BTBD9: variants seen among roughly 807,000 people sequenced by gnomAD.
BTBD9 encodes the protein BTB/POZ domain-containing protein 9.
In BTBD9, 49 loss-of-function variants were observed where a neutral mutation model predicts 64.3. The ratio of observed to expected loss-of-function variants is 0.76; its 90% CI spans 0.61 to 0.97. The LOEUF (loss-of-function observed/expected upper bound fraction) is 0.97. Among genes scored for constraint, BTBD9 ranks in the 50% least tolerant of loss-of-function variants. The pLI, the probability that BTBD9 is intolerant of heterozygous loss-of-function variation, is 0.00. For synonymous variants in BTBD9, 260 were observed against 274.7 expected (o/e 0.95, Z 0.53); for missense variants, 598 against 762.1 (o/e 0.78, Z 2.53).
chr6:38,363,397 A>G (rs1414354500), intron 6 of BTBD9, among the ~76,000 whole-genome samples: 1 of 152,240 alleles, frequency 6.6e-6, no homozygotes, highest in Non-Finnish European at 1.5e-5. Flanking sequence ...TGTCTCTACA[A>G]AAACAAAAAC....
chr6:38,371,599 G>A (rs1203937574), intron 6 of BTBD9, among the ~76,000 whole-genome samples: 2 of 152,148 alleles, frequency 1.3e-5, no homozygotes, highest in Non-Finnish European at 1.5e-5. Context: ...CATTAATGTC[G>A]GCCAGGCTGC....
intron 6 of BTBD9, among the ~76,000 whole-genome samples, chr6:38,570,731 C>G (rs1775724835): frequency 6.6e-6 from 1 of 152,124 alleles, no homozygotes; most frequent in African/African-American, 2.4e-5. Flanking sequence ...TTCTCCTATG[C>G]CTTGCAGATG....
At chr6:38,381,907 T>C (rs554031207) in intron 6 of BTBD9, among the ~76,000 whole-genome samples, 2 of 152,212 alleles carry the variant, frequency 1.3e-5, no homozygotes, top group African/African-American at 2.4e-5. Flanking sequence ...AATACTTAGA[T>C]AATATAAGAA....
intron 6 of BTBD9, among the ~76,000 whole-genome samples, chr6:38,421,048 AG>A (rs1476222315): frequency 1.6e-5 from 2 of 127,914 alleles, no homozygotes; most frequent in Admixed American, 1.6e-4. Context: ...GATGTCTTAA[AG>A]GGTATTTAAT....
chr6:38,287,082 C>CA (rs60618390), intron 8 of BTBD9, among the ~76,000 whole-genome samples: 1,066 of 25,294 alleles, frequency 0.042, 269 homozygotes, highest in African/African-American at 0.16. Context: ...GGCTCCATCT[C>CA]AAAAAAAAAA....
chr6:38,345,830 T>TG (rs1764257422), intron 6 of BTBD9, among the ~76,000 whole-genome samples: 1 of 152,222 alleles, frequency 6.6e-6, no homozygotes, highest in Admixed American at 6.5e-5. Flanking sequence ...TCATCCTCTT[T>TG]AACTCCCTGG....
intron 4 of BTBD9, among the ~76,000 whole-genome samples, chr6:38,581,370 T>C (rs916373257): frequency 1.3e-5 from 2 of 152,224 alleles, no homozygotes; most frequent in African/African-American, 4.8e-5. Context: ...CTGAAATTAA[T>C]TAATCTAGCT....
chr6:38,459,803 T>C (rs1414848087), intron 6 of BTBD9, among the ~76,000 whole-genome samples: 1 of 152,228 alleles, frequency 6.6e-6, no homozygotes, highest in Non-Finnish European at 1.5e-5. Context: ...TACATTTAAT[T>C]TGCAAGTATA....
chr6:38,492,814 G>A (rs1319904711), intron 6 of BTBD9, among the ~76,000 whole-genome samples: 1 of 151,992 alleles, frequency 6.6e-6, no homozygotes, highest in Admixed American at 6.6e-5. Context: ...GTACACTTTC[G>A]ATTTAAGATT....
Position 38,408,517 on chromosome 6 carries a change from G to C in BTBD9, c.1155-63424C>G, listed in dbSNP as rs1221343345. On this transcript the variant is annotated intron_variant, in intron 6 of 10. Coordinates refer to ENST00000481247, the MANE Select transcript of BTBD9 (RefSeq NM_001099272.2). ...ACCCACCAATGTTTGTTTTTCCTTTGCTCGGGTTGAAATAATTCCAAGACT... is the reference window on the plus strand; with the variant it reads ...ACCCACCAATGTTTGTTTTTCCTTTCCTCGGGTTGAAATAATTCCAAGACT... 1.3e-5 allele frequency among the ~76,000 whole-genome samples: 2 copies of C among 152,106 alleles called. 1 individual carries two copies. Among genetic ancestry groups the C allele is most frequent in the African/African-American group, 4.8e-5 (2 of 41,420 alleles).
intron 8 of BTBD9, among the ~76,000 whole-genome samples, chr6:38,261,680 A>C (rs903162601): frequency 1.3e-5 from 2 of 152,226 alleles, no homozygotes; most frequent in Non-Finnish European, 2.9e-5. Flanking sequence ...AGCCTAGTCT[A>C]TCGATCTTTA....
At chr6:38,479,079 T>C (rs1771015166) in intron 6 of BTBD9, among the ~76,000 whole-genome samples, 1 of 152,184 alleles carries the variant, frequency 6.6e-6, no homozygotes, top group African/African-American at 2.4e-5. Context: ...CTCTGTAAAC[T>C]ATGCTGTTAT....
At chr6:38,203,568 T>TA (rs1015867998) in intron 9 of BTBD9, among the ~76,000 whole-genome samples, 46 of 152,148 alleles carry the variant, frequency 3.0e-4, no homozygotes, top group African/African-American at 1.1e-3. Context: ...TGTTTGGCCA[T>TA]AAAAAAGAAT....
At chr6:38,497,313 G>C (rs1019269360) in intron 6 of BTBD9, among the ~76,000 whole-genome samples, 11 of 152,046 alleles carry the variant, frequency 7.2e-5, no homozygotes, top group Non-Finnish European at 1.5e-4. Context: ...TGCTGTATAC[G>C]ATCTAGTATT....
chr6:38,298,632 C>G (rs77793868), intron 7 of BTBD9, among the ~76,000 whole-genome samples: 18 of 152,134 alleles, frequency 1.2e-4, no homozygotes, highest in Non-Finnish European at 2.6e-4. Context: ...TACCCTTTAA[C>G]CAGTCTCCCT....
rs1766826181 is a variant in BTBD9, at chr6:38,172,294, GTCC to G, written c.*2688_*2690del. On this transcript the variant is annotated 3_prime_UTR_variant, in exon 11 of 11. Coordinates refer to ENST00000481247, the MANE Select transcript of BTBD9 (RefSeq NM_001099272.2). ...AGCTTCAAGTGTTTAGGTCGCTTTG[GTCC>G]TGGTGGCCCAGGGGAGAAGTGCTCT... The G allele has an allele frequency of 6.6e-6, 1 of 152,354 alleles. No individual in the cohort carries two copies. The highest frequency in any genetic ancestry group is 2.1e-4 in the South Asian group (1 of 4,836). 9.4% of individuals were successfully genotyped at this position (152,354 alleles called of 1,614,324 possible).
chr6:38,405,591 G>C (rs574610761), intron 6 of BTBD9, among the ~76,000 whole-genome samples: 1 of 151,510 alleles, frequency 6.6e-6, no homozygotes, highest in African/African-American at 2.4e-5. Flanking sequence ...TCATTTTATT[G>C]GTTCTGTTGT....
intron 6 of BTBD9, among the ~76,000 whole-genome samples, chr6:38,517,714 AC>A (rs578009156): frequency 1.3e-3 from 193 of 152,152 alleles, no homozygotes; most frequent in African/African-American, 4.3e-3. Context: ...CCTCCTTGCA[AC>A]CCTTTCAGAA....
chr6:38,465,653 C>T (rs1366141168), intron 6 of BTBD9, among the ~76,000 whole-genome samples: 1 of 137,916 alleles, frequency 7.3e-6, no homozygotes, highest in Non-Finnish European at 1.5e-5. Context: ...CGCCACTGCA[C>T]TCCAGTCTGG....
Sources: allele counts gnomAD v4.1 joint callset (sites outside exome capture counted in the v4.1 genomes callset), GRCh38; gene constraint gnomAD v4.1.1; transcripts MANE v1.5; gene names NCBI Gene and HGNC (gene_info 2026-07-23, HGNC 2026-07-21).